SLAIN2: variants seen among roughly 807,000 people sequenced by gnomAD.
The protein encoded by SLAIN2 is SLAIN family member 2.
Under a neutral mutation model 56.6 loss-of-function variants are expected in SLAIN2, and 31 were observed. The ratio of observed to expected loss-of-function variants is 0.55; its 90% CI spans 0.41 to 0.74. The LOEUF is 0.74. SLAIN2 is among the 30% of genes least tolerant of loss of function. SLAIN2 has a pLI of 0.00. For missense variants in SLAIN2, 777 were observed against 754.2 expected (o/e 1.03, Z -0.35); for synonymous variants, 317 against 284.9 (o/e 1.11, Z -1.13).
intron 1 of SLAIN2, among the ~76,000 whole-genome samples, chr4:48,343,824 C>CT (rs1351675363): frequency 2.0e-5 from 3 of 152,108 alleles, no homozygotes; most frequent in African/African-American, 7.2e-5. Context: ...TTAGAGCTGA[C>CT]TGTGGTAGTG....
At position 48,423,336 on chromosome 4, in the gene SLAIN2, T is replaced by C. The variant is rs1717212145; in HGVS notation, c.*1259T>C. 6.6e-6 allele frequency: 1 copy of C among 152,184 alleles called. No individual in the cohort carries two copies. The highest frequency in any genetic ancestry group is 1.5e-5 in the Non-Finnish European group (1 of 68,022). The allele number at this position is 152,184 out of a possible 1,614,324, so 9.4% of individuals were successfully genotyped here. ...ATACTTGCTCTCTAATGGCTCTTAA[T>C]ATATCCTTGAAATCGGCTATTTCAA... is the stretch of plus-strand genomic sequence containing the variant. On this transcript the variant is annotated 3_prime_UTR_variant, in exon 8 of 8. Coordinates refer to ENST00000264313, the MANE Select transcript of SLAIN2 (RefSeq NM_020846.2).
At chr4:48,421,219 C>G (rs551960243) in intron 7 of SLAIN2, among the ~76,000 whole-genome samples, 120 of 152,164 alleles carry the variant, frequency 7.9e-4, no homozygotes, top group African/African-American at 2.8e-3. Flanking sequence ...GTTGCCCAGG[C>G]TTGTCTGGAG....
intron 1 of SLAIN2, among the ~76,000 whole-genome samples, chr4:48,357,889 G>A (rs997211226): frequency 1.5e-4 from 23 of 151,614 alleles, no homozygotes; most frequent in African/African-American, 4.8e-4. Flanking sequence ...TGTAGAGACA[G>A]TGTCTCACTA....
At chr4:48,420,572 A>G in intron 7 of SLAIN2, 129 bp downstream of exon 7, 1 of 1,021,810 alleles carries the variant, frequency 9.8e-7, no homozygotes, top group Admixed American at 2.7e-5. Flanking sequence ...GAGTTTTAGT[A>G]CCATTTGAAT....
intron 6 of SLAIN2, among the ~76,000 whole-genome samples, chr4:48,396,288 G>A (rs1169230783): frequency 1.3e-5 from 2 of 152,048 alleles, no homozygotes; most frequent in African/African-American, 4.8e-5. Context: ...AGGAGGGGCA[G>A]GGGGTGTGCT....
At chr4:48,419,107 T>TC (rs1049136487) in intron 6 of SLAIN2, among the ~76,000 whole-genome samples, 2 of 113,638 alleles carry the variant, frequency 1.8e-5, no homozygotes, top group African/African-American at 5.6e-5. Flanking sequence ...TTTTCTGTTT[T>TC]CCTTTTTTTT....
Position 48,373,272 on chromosome 4 carries a change from T to C in SLAIN2, c.538+3275T>C, listed in dbSNP as rs141160310. Among the ~76,000 whole-genome samples the C allele has an allele frequency of 9.8e-5, 15 of 152,318 alleles. No homozygotes were observed. In the South Asian group the frequency reaches 1.0e-3, roughly 11 times the overall value. ...GTGAAAAGAGCTTTTAATCATCCTATACTAAACTTTTTCATCATCCCATAC... is the reference window on the plus strand; with the variant it reads ...GTGAAAAGAGCTTTTAATCATCCTACACTAAACTTTTTCATCATCCCATAC... On this transcript the variant is annotated intron_variant, in intron 2 of 7. Coordinates refer to ENST00000264313, the MANE Select transcript of SLAIN2 (RefSeq NM_020846.2).
chr4:48,380,112 C>T (rs548027870), intron 4 of SLAIN2, among the ~76,000 whole-genome samples: 3 of 152,032 alleles, frequency 2.0e-5, no homozygotes, highest in Non-Finnish European at 4.4e-5. Flanking sequence ...GGTTTTTATA[C>T]CCTGCATGTT....
Position 48,382,585 on chromosome 4 carries a change from G to A in SLAIN2, c.880G>A (p.Ala294Thr), listed in dbSNP as rs1230312351. 6.3e-7 allele frequency: 1 copy of A among 1,578,848 alleles called. No individual in the cohort carries two copies. Among genetic ancestry groups the A allele is most frequent in the South Asian group, 1.1e-5 (1 of 87,042 alleles). ...GTTGCCAGGTCTCCGGCAAGAATAT[G>A]CAGCCACCACGTCTCGGCGCAGTTC... is the stretch of plus-strand genomic sequence containing the variant. ...MQEESLRQEY[A>T]ATTSRRSSGS... The change falls in exon 5 of 8, where the codon GCA becomes ACA. Residue 294 changes from alanine (A) to threonine (T), a missense_variant. Ala to Thr is a moderately conservative substitution (Grantham distance 58). Coordinates refer to ENST00000264313, the MANE Select transcript of SLAIN2 (RefSeq NM_020846.2).
chr4:48,370,402 C>CCCT (rs1441192958), intron 2 of SLAIN2, among the ~76,000 whole-genome samples: 1 of 152,182 alleles, frequency 6.6e-6, no homozygotes, highest in Non-Finnish European at 1.5e-5. Flanking sequence ...CTCACTCTAG[C>CCCT]CCTTAATTGC....
At chr4:48,368,342 T>C (rs1480407790) in intron 1 of SLAIN2, among the ~76,000 whole-genome samples, 1 of 152,162 alleles carries the variant, frequency 6.6e-6, no homozygotes, top group Non-Finnish European at 1.5e-5. Flanking sequence ...ATTACAGGCA[T>C]AAGCCACTGC....
intron 6 of SLAIN2, among the ~76,000 whole-genome samples, chr4:48,412,377 C>T (rs1445539019): frequency 1.4e-5 from 1 of 72,166 alleles, no homozygotes; most frequent in Non-Finnish European, 3.5e-5. Flanking sequence ...CACACACACA[C>T]ACACACACAC....
intron 1 of SLAIN2, among the ~76,000 whole-genome samples, chr4:48,348,133 C>G (rs548875987): frequency 6.6e-6 from 1 of 152,266 alleles, no homozygotes; most frequent in South Asian, 2.1e-4. Flanking sequence ...AGGATTATTA[C>G]TTATATAACT....
At chr4:48,364,748 G>C (rs1353968479) in intron 1 of SLAIN2, among the ~76,000 whole-genome samples, 3 of 136,544 alleles carry the variant, frequency 2.2e-5, no homozygotes, top group Admixed American at 1.4e-4. Context: ...GCCTGCAATC[G>C]CAGGCACTCC....
At position 48,420,700 on chromosome 4, in the gene SLAIN2, A is replaced by G. The variant is rs530463553; in HGVS notation, c.1679+257A>G. Among the ~76,000 whole-genome samples, 4 of 152,306 alleles carry G rather than the reference A, an allele frequency of 2.6e-5. No individual in the cohort carries two copies. The South Asian group carries it at 8.3e-4, about 32-fold the overall frequency. Reference sequence around the variant, plus strand: ...AGCATCTCAGAGGACCCCTAGAAAAAAAATTGTTAGAGCCTCTCAATTTGA... The same window carrying G: ...AGCATCTCAGAGGACCCCTAGAAAAGAAATTGTTAGAGCCTCTCAATTTGA... On this transcript the variant is annotated intron_variant, in intron 7 of 7. Transcript: ENST00000264313.
intron 6 of SLAIN2, among the ~76,000 whole-genome samples, chr4:48,415,438 C>G (rs1716976352): frequency 1.8e-5 from 1 of 56,448 alleles, no homozygotes; most frequent in African/African-American, 5.8e-5. Context: ...TGTTTGAGTT[C>G]ATTGTAGATT....
chr4:48,416,546 C>G (rs1161238663), intron 6 of SLAIN2, among the ~76,000 whole-genome samples: 1 of 148,742 alleles, frequency 6.7e-6, no homozygotes, highest in Non-Finnish European at 1.5e-5. Context: ...ATTGAATACC[C>G]TTTATTTCCT....
intron 6 of SLAIN2, among the ~76,000 whole-genome samples, chr4:48,385,480 A>G (rs1038172076): frequency 1.3e-5 from 2 of 152,196 alleles, no homozygotes; most frequent in African/African-American, 4.8e-5. Flanking sequence ...TATTACTATC[A>G]GTGGTTGAAG....
chr4:48,411,399 T>C (rs889686708), intron 6 of SLAIN2, among the ~76,000 whole-genome samples: 3 of 152,198 alleles, frequency 2.0e-5, no homozygotes, highest in Non-Finnish European at 4.4e-5. Context: ...AAGAACTTTA[T>C]GGGTTAGCTC....
Sources: allele counts gnomAD v4.1 joint callset (sites outside exome capture counted in the v4.1 genomes callset), GRCh38; gene constraint gnomAD v4.1.1; transcripts MANE v1.5; gene names NCBI Gene and HGNC (gene_info 2026-07-23, HGNC 2026-07-21).